Variants in ADARB2 observed in about 807,000 individuals in gnomAD.
ADARB2 encodes the protein adenosine deaminase RNA specific B2 (inactive), also known as inactive double-stranded RNA-specific editase B2.
ADARB2 carries 25 observed loss-of-function variants against 62.2 expected under a neutral mutation model. That is an observed-to-expected ratio of 0.40 (90% CI 0.29 to 0.56). The LOEUF (loss-of-function observed/expected upper bound fraction) is 0.56, where lower values mean the gene tolerates loss of function less well. Ranked by LOEUF, ADARB2 falls within the 20% of genes least tolerant of loss-of-function variation. The pLI, the probability that ADARB2 is intolerant of heterozygous loss-of-function variation, is 0.43. For missense variants in ADARB2, 1,071 were observed against 1,077.4 expected (o/e 0.99, Z 0.08); for synonymous variants, 572 against 500.8 (o/e 1.14, Z -1.90).
chr10:1,199,915 T>G (rs1216039144), intron 8 of ADARB2, 51 bp downstream of exon 8: 2 of 1,455,804 alleles, frequency 1.4e-6, no homozygotes, highest in South Asian at 2.9e-5. Flanking sequence ...CACCTGTGTC[T>G]GGCCTGGTGG....
chr10:1,637,994 AAG>A (rs1833935938), intron 1 of ADARB2, among the ~76,000 whole-genome samples: 1 of 152,220 alleles, frequency 6.6e-6, no homozygotes, highest in African/African-American at 2.4e-5. Flanking sequence ...GAAGACAGAA[AAG>A]AGAGGTTTGG....
At chr10:1,573,567 G>A (rs1832968505) in intron 1 of ADARB2, among the ~76,000 whole-genome samples, 1 of 152,198 alleles carries the variant, frequency 6.6e-6, no homozygotes, top group African/African-American at 2.4e-5. Flanking sequence ...GAATAAAATG[G>A]ATCATGCAGT....
At chr10:1,351,480 C>G (rs1331227619) in intron 3 of ADARB2, among the ~76,000 whole-genome samples, 1 of 151,872 alleles carries the variant, frequency 6.6e-6, no homozygotes, top group African/African-American at 2.4e-5. Context: ...TTTTAGTTAT[C>G]CCCACCTGCC....
At chr10:1,358,957 CA>C (rs1832223425) in intron 3 of ADARB2, among the ~76,000 whole-genome samples, 1 of 152,102 alleles carries the variant, frequency 6.6e-6, no homozygotes, top group East Asian at 1.9e-4. Flanking sequence ...ATAGTTTTCA[CA>C]GAAAGAAAAT....
chr10:1,178,903 T>C lies in ADARB2; in HGVS notation c.*4290A>G, dbSNP rs1023024970. 6.6e-5 allele frequency: 10 copies of C among 152,178 alleles called. No homozygotes were observed. The highest frequency in any genetic ancestry group is 2.4e-4 in the African/African-American group (10 of 41,448). 9.4% of individuals were successfully genotyped at this position (152,178 alleles called of 1,614,324 possible). ...GCTGCAGCGATCCAACGGTAGTACA[T>C]AAAAGGAAAGCCTCTCAGCTTCCCT... is the stretch of plus-strand genomic sequence containing the variant. On this transcript the variant is annotated 3_prime_UTR_variant, in exon 10 of 10. Transcript: ENST00000381312.
At chr10:1,184,742 G>T in intron 9 of ADARB2, 119 bp downstream of exon 9, 1 of 1,148,844 alleles carries the variant, frequency 8.7e-7, no homozygotes, top group Non-Finnish European at 1.2e-6. Flanking sequence ...TGTGATGGGC[G>T]CTGTGTCGTG....
At position 1,251,361 on chromosome 10, in the gene ADARB2, A is replaced by G. The variant is rs78782273; in HGVS notation, c.1193-9062T>C. ...TATTATATGATTTCAACTACAGGGC[A>G]TTCTGGAAAAGGCAAAACTATGGAG... is the stretch of plus-strand genomic sequence containing the variant. On this transcript the variant is annotated intron_variant, in intron 4 of 9. Coordinates refer to ENST00000381312, the MANE Select transcript of ADARB2 (RefSeq NM_018702.4). Among the ~76,000 whole-genome samples, 1,333 of 152,340 alleles carry G rather than the reference A, an allele frequency of 8.8e-3. 17 individuals are homozygous for G. Among genetic ancestry groups the G allele is most frequent in the African/African-American group, 0.029 (1,222 of 41,560 alleles).
At chr10:1,611,807 C>T (rs1486751996) in intron 1 of ADARB2, among the ~76,000 whole-genome samples, 2 of 152,152 alleles carry the variant, frequency 1.3e-5, no homozygotes, top group Non-Finnish European at 2.9e-5. Context: ...CTTATCCACC[C>T]ATCTCCTTCT....
At position 1,266,962 on chromosome 10, in the gene ADARB2, T is replaced by C. The variant is rs192553470; in HGVS notation, c.1192+3993A>G. Among the ~76,000 whole-genome samples the C allele has an allele frequency of 2.1e-3, 318 of 152,176 alleles. 2 individuals are homozygous for C. Among genetic ancestry groups the C allele is most frequent in the African/African-American group, 6.3e-3 (261 of 41,532 alleles). ...TCTCCAAAAACATCGAGTAAAAGAATGAAGAGACAAATTTTAAAAGTAAAA... is the reference window on the plus strand; with the variant it reads ...TCTCCAAAAACATCGAGTAAAAGAACGAAGAGACAAATTTTAAAAGTAAAA... On this transcript the variant is annotated intron_variant, in intron 4 of 9. Coordinates refer to ENST00000381312, the MANE Select transcript of ADARB2 (RefSeq NM_018702.4).
At chr10:1,213,345 C>T (rs1837186724) in intron 7 of ADARB2, among the ~76,000 whole-genome samples, 1 of 151,676 alleles carries the variant, frequency 6.6e-6, no homozygotes. Context: ...AGGCCGAGAG[C>T]GAGAGGAGGA....
intron 1 of ADARB2, among the ~76,000 whole-genome samples, chr10:1,462,699 CTG>C (rs780092455): frequency 6.7e-6 from 1 of 148,516 alleles, no homozygotes; most frequent in African/African-American, 2.5e-5. Flanking sequence ...GTGTGTGTGC[CTG>C]TGTGTATGTG....
intron 1 of ADARB2, among the ~76,000 whole-genome samples, chr10:1,500,448 C>T (rs180997108): frequency 6.6e-5 from 10 of 152,228 alleles, no homozygotes; most frequent in Admixed American, 3.9e-4. Flanking sequence ...CCAAAAAGGC[C>T]GCATGACAAA....
intron 6 of ADARB2, 116 bp downstream of exon 6, chr10:1,233,578 C>A (rs1830829949): frequency 8.8e-7 from 1 of 1,130,516 alleles, no homozygotes; most frequent in Non-Finnish European, 1.2e-6. Flanking sequence ...CCTTCCAGTA[C>A]CCAAGGGCCC....
intron 2 of ADARB2, among the ~76,000 whole-genome samples, chr10:1,365,752 G>A (rs1291281007): frequency 6.6e-6 from 1 of 152,200 alleles, no homozygotes; most frequent in Non-Finnish European, 1.5e-5. Context: ...CAGCAATTCT[G>A]CCACTGGAGA....
intron 1 of ADARB2, among the ~76,000 whole-genome samples, chr10:1,558,181 C>T (rs995958888): frequency 3.3e-5 from 5 of 152,078 alleles, no homozygotes; most frequent in African/African-American, 9.7e-5. Context: ...ACCGTCTCCC[C>T]GGAGAGACCC....
At position 1,715,138 on chromosome 10, in the gene ADARB2, G is replaced by A. The variant is rs568550627; in HGVS notation, c.100+21913C>T. Reference sequence around the variant, plus strand: ...CCTAATTCTTTTCTCTCTGTGGTGTGACATCCTGGTTTGGTTGCTTTTATT... The same window carrying A: ...CCTAATTCTTTTCTCTCTGTGGTGTAACATCCTGGTTTGGTTGCTTTTATT... On this transcript the variant is annotated intron_variant, in intron 1 of 9. Coordinates refer to ENST00000381312, the MANE Select transcript of ADARB2 (RefSeq NM_018702.4). Among the ~76,000 whole-genome samples, 11 of 151,882 alleles carry A rather than the reference G, an allele frequency of 7.2e-5. No individual in the cohort carries two copies. The South Asian group carries it at 2.1e-3, about 29-fold the overall frequency.
chr10:1,501,166 C>A (rs550833748), intron 1 of ADARB2, among the ~76,000 whole-genome samples: 1 of 152,330 alleles, frequency 6.6e-6, no homozygotes, highest in South Asian at 2.1e-4. Flanking sequence ...AGTCACCACG[C>A]CTGGCCTCTA....
At position 1,278,108 on chromosome 10, in the gene ADARB2, T is replaced by C. The variant is rs960404403; in HGVS notation, c.1078-7039A>G. On this transcript the variant is annotated intron_variant, in intron 3 of 9. Transcript: ENST00000381312. ...CCTCAGCCTCCCAAGTAGCTGGGAC[T>C]ACAGGCGCGCGCCACTATGCCTGGC... Among the ~76,000 whole-genome samples, 60 of 152,200 alleles carry C rather than the reference T, an allele frequency of 3.9e-4. 1 individual carries two copies. The highest frequency in any genetic ancestry group is 1.4e-3 in the African/African-American group (59 of 41,518).
At chr10:1,254,452 T>C (rs1325481007) in intron 4 of ADARB2, among the ~76,000 whole-genome samples, 1 of 152,256 alleles carries the variant, frequency 6.6e-6, no homozygotes, top group Non-Finnish European at 1.5e-5. Flanking sequence ...TTCTTTCTTA[T>C]ACTTGTGTGA....
Sources: gnomAD v4.1 joint callset for allele counts (sites outside exome capture counted in the v4.1 genomes callset) on GRCh38, gnomAD v4.1.1 for gene constraint, MANE v1.5 for transcripts, NCBI Gene and HGNC (gene_info 2026-07-23, HGNC 2026-07-21) for gene names.